The following GLI2 variants were observed in gnomAD, a reference collection of about 807,000 sequenced individuals.
GLI2 encodes the protein GLI family zinc finger 2.
Under a neutral mutation model 78.9 loss-of-function variants are expected in GLI2, and 22 were observed. The observed-to-expected ratio is 0.28, with a 90% CI of 0.20 to 0.40. The LOEUF (loss-of-function observed/expected upper bound fraction) is 0.40. Ranked by LOEUF, GLI2 falls within the 10% of genes least tolerant of loss-of-function variation. The pLI, the probability that GLI2 is intolerant of heterozygous loss-of-function variation, is 1.00. For missense variants in GLI2, 2,097 were observed against 2,213.2 expected, an observed-to-expected ratio of 0.95 and a Z score of 1.05; for synonymous variants, 974 against 963.7, an observed-to-expected ratio of 1.01 and a Z score of -0.20.
At chr2:120,919,808 A>T (rs2104841149) in intron 2 of GLI2, among the ~76,000 whole-genome samples, 1 of 150,014 alleles carries the variant, frequency 6.7e-6, no homozygotes, top group South Asian at 2.1e-4. Context: ...TCATGGATGC[A>T]GCTACCGCAC....
intron 1 of GLI2, among the ~76,000 whole-genome samples, chr2:120,768,787 G>A (rs1558786970): frequency 6.6e-6 from 1 of 150,810 alleles, no homozygotes; most frequent in African/African-American, 2.5e-5. Context: ...CTGCCTGAAA[G>A]AGGCCCCGCC....
chr2:120,865,951 C>T (rs1468499247), intron 2 of GLI2, among the ~76,000 whole-genome samples: 1 of 152,234 alleles, frequency 6.6e-6, no homozygotes, highest in African/African-American at 2.4e-5. Flanking sequence ...CACCCTGTGC[C>T]TGGGGCCAGC....
intron 2 of GLI2, among the ~76,000 whole-genome samples, chr2:120,866,223 G>A (rs547347261): frequency 6.6e-6 from 1 of 152,348 alleles, no homozygotes; most frequent in Admixed American, 6.5e-5. Flanking sequence ...CTTGGCCACA[G>A]TCAGAGGGTC....
chr2:120,879,946 A>G (rs145579440), intron 2 of GLI2, among the ~76,000 whole-genome samples: 1 of 152,292 alleles, frequency 6.6e-6, no homozygotes, highest in Non-Finnish European at 1.5e-5. Flanking sequence ...AGTGCTGGTT[A>G]AAATGCTCAT....
intron 2 of GLI2, among the ~76,000 whole-genome samples, chr2:120,908,629 C>A (rs1448846383): frequency 6.6e-6 from 1 of 152,202 alleles, no homozygotes; most frequent in South Asian, 2.1e-4. Flanking sequence ...TGCCCCCCAA[C>A]AGACCTGGCC....
At chr2:120,748,127 C>T (rs1682747656) in intron 1 of GLI2, among the ~76,000 whole-genome samples, 1 of 152,204 alleles carries the variant, frequency 6.6e-6, no homozygotes, top group South Asian at 2.1e-4. Flanking sequence ...AAGGCATGAT[C>T]TGGAAAGGCA....
intron 2 of GLI2, among the ~76,000 whole-genome samples, chr2:120,849,488 T>A (rs890870327): frequency 6.6e-6 from 1 of 152,144 alleles, no homozygotes. Context: ...TGGCGGCAAT[T>A]GTGTTCTTTT....
At chr2:120,851,816 G>A (rs953638284) in intron 2 of GLI2, among the ~76,000 whole-genome samples, 1 of 152,262 alleles carries the variant, frequency 6.6e-6, no homozygotes, top group African/African-American at 2.4e-5. Context: ...AGGGAGAGGT[G>A]CTATGAAGAA....
intron 2 of GLI2, among the ~76,000 whole-genome samples, chr2:120,876,254 G>A (rs1573520947): frequency 6.6e-6 from 1 of 152,122 alleles, no homozygotes; most frequent in African/African-American, 2.4e-5. Context: ...AGGCGGGAGA[G>A]TGGCGTGAAC....
chr2:120,893,757 G>A (rs977009539), intron 2 of GLI2, among the ~76,000 whole-genome samples: 9 of 152,180 alleles, frequency 5.9e-5, no homozygotes, highest in African/African-American at 1.9e-4. Flanking sequence ...GTGGACAGGG[G>A]GCCTCTGAAC....
In GLI2 at chr2:120,990,640, G is replaced by C. The variant is rs367918973; in HGVS notation, c.4675G>C (p.Ala1559Pro). The stretch of plus-strand genomic sequence containing the variant: ...CATGAGCTCCATGCTCACCAGCCTC[G>C]CCGAGGAGAGCAAGTTCCTGAACAT... ...GDMSSMLTSL[A>P]EESKFLNMMT is the part of the protein sequence containing the mutation. The change falls in exon 14 of 14, where the codon GCC becomes CCC. Residue 1559 changes from alanine to proline, a missense_variant. Physicochemically the swap from Ala to Pro is conservative, Grantham distance 27. Transcript: ENST00000361492. 13 of 1,612,886 alleles carry C rather than the reference G, an allele frequency of 8.1e-6. No homozygotes were observed. Among genetic ancestry groups the C allele is most frequent in the Non-Finnish European group, 1.1e-5 (13 of 1,179,548 alleles).
chr2:120,982,638 G>T (rs1028508031), intron 10 of GLI2, 78 bp from the exon 11 acceptor site: 1 of 1,234,216 alleles, frequency 8.1e-7, no homozygotes, highest in Non-Finnish European at 1.2e-6. Context: ...GCAGAGAAGG[G>T]GGTGGGGAGG....
At chr2:120,927,568 T>G in intron 3 of GLI2, 102 bp downstream of exon 3, 1 of 813,854 alleles carries the variant, frequency 1.2e-6, no homozygotes, top group East Asian at 2.4e-5. Flanking sequence ...GTCTTTCTTT[T>G]GGGGGTTCCT....
chr2:120,765,681 G>A (rs1683346747), intron 1 of GLI2, among the ~76,000 whole-genome samples: 2 of 152,248 alleles, frequency 1.3e-5, no homozygotes. Flanking sequence ...GGGCAGGTCT[G>A]GGGAACAGGC....
intron 2 of GLI2, among the ~76,000 whole-genome samples, chr2:120,877,409 T>C (rs1004522428): frequency 1.3e-5 from 2 of 152,214 alleles, no homozygotes; most frequent in Admixed American, 6.5e-5. Context: ...TGCATGCATC[T>C]TAAGTGGAGG....
chr2:120,755,980 T>A (rs752826068), intron 1 of GLI2, among the ~76,000 whole-genome samples: 6 of 152,338 alleles, frequency 3.9e-5, no homozygotes, highest in Non-Finnish European at 7.4e-5. Context: ...TTATTGTAGC[T>A]TTATAACAAG....
In GLI2 at chr2:120,990,925, C is replaced by G. The variant is rs1683271148; in HGVS notation, c.*250C>G. 2 of 527,152 alleles carry G rather than the reference C, an allele frequency of 3.8e-6. No individual in the cohort carries two copies. Among genetic ancestry groups the G allele is most frequent in the South Asian group, 5.3e-5 (2 of 37,568 alleles). 32.7% of individuals were successfully genotyped at this position (527,152 alleles called of 1,614,324 possible). ...GGAAGGAATGCAAAACTCATTTACA[C>G]AGTGCTTTCCAGCCTTTGGTGCTTA... On this transcript the variant is annotated 3_prime_UTR_variant, in exon 14 of 14. Coordinates refer to ENST00000361492, the MANE Select transcript of GLI2 (RefSeq NM_001374353.1).
chr2:120,747,979 G>A (rs1343626714), intron 1 of GLI2, among the ~76,000 whole-genome samples: 2 of 152,218 alleles, frequency 1.3e-5, no homozygotes, highest in African/African-American at 4.8e-5. Context: ...TATGTGCCCG[G>A]CACTTATTAA....
intron 1 of GLI2, among the ~76,000 whole-genome samples, chr2:120,784,262 G>T (rs752041788): frequency 1.3e-5 from 2 of 152,206 alleles, no homozygotes; most frequent in Non-Finnish European, 2.9e-5. Flanking sequence ...TGTGCTGTGG[G>T]TCTCCCAGGC....
Sources: allele counts gnomAD v4.1 joint callset (sites outside exome capture counted in the v4.1 genomes callset), GRCh38; gene constraint gnomAD v4.1.1; transcripts MANE v1.5; gene names NCBI Gene and HGNC (gene_info 2026-07-23, HGNC 2026-07-21).